The following KIF21A variants were observed in gnomAD, a reference collection of about 807,000 sequenced individuals.
KIF21A encodes kinesin family member 21A.
A neutral mutation model predicts 202.9 loss-of-function variants in KIF21A; 114 were observed. The ratio of observed to expected loss-of-function variants is 0.56; its 90% CI spans 0.48 to 0.66. The LOEUF is 0.66. KIF21A is among the 30% of genes least tolerant of loss of function. The probability of loss-of-function intolerance (pLI) is 0.00; values close to 1 mark genes in which losing one functional copy is unlikely to be tolerated. For missense variants in KIF21A, 1,677 were observed against 1,994.9 expected (o/e 0.84, Z 3.04); for synonymous variants, 667 against 670.8 (o/e 0.99, Z 0.09).
chr12:39,416,657 G>GTACATATATA (rs1953656314), intron 1 of KIF21A, among the ~76,000 whole-genome samples: 2 of 136,464 alleles, frequency 1.5e-5, no homozygotes, highest in African/African-American at 2.9e-5. Flanking sequence ...ACATATATAT[G>GTACATATATA]TGTATATATA....
At chr12:39,433,010 T>C (rs1938170195) in intron 1 of KIF21A, among the ~76,000 whole-genome samples, 1 of 152,214 alleles carries the variant, frequency 6.6e-6, no homozygotes, top group Non-Finnish European at 1.5e-5. Flanking sequence ...AAACTGTAGG[T>C]ACACATATTA....
In KIF21A at chr12:39,357,736, C is replaced by T. The variant is rs757872936; in HGVS notation, c.1216-299G>A. On this transcript the variant is annotated intron_variant, in intron 8 of 37. Transcript: ENST00000361418. The stretch of plus-strand genomic sequence containing the variant: ...ACCAGCCTGGCCAACGTGGTGAAAC[C>T]CCATCTCTACTAAAAATGCAAAAAT... 9.3e-4 allele frequency among the ~76,000 whole-genome samples: 140 copies of T among 151,062 alleles called. 1 individual carries two copies. Among genetic ancestry groups the T allele is most frequent in the Non-Finnish European group, 5.6e-4 (38 of 67,740 alleles).
chr12:39,369,821 G>T lies in KIF21A; in HGVS notation c.358C>A (p.His120Asn), dbSNP rs1340413916. The change falls in exon 3 of 38, where the codon CAC (histidine) becomes AAC (asparagine). Residue 120 changes from histidine (H) to asparagine (N), a missense_variant. Physicochemically the swap from His to Asn is moderately conservative, Grantham distance 68. Around this residue, in one of 3 missense-constraint regions of KIF21A, gnomAD observed 966 missense variants for 1,180.9 expected, o/e 0.82. Transcript: ENST00000361418. The part of the protein sequence containing the change: ...ELGIISRAVK[H>N]LFKSIEEKKH... The stretch of plus-strand genomic sequence containing the variant: ...TTTTCTTCAATACTCTTAAAAAGGT[G>T]TTTAACAGCTCGAGAAATAATACCC... 1 of 1,612,288 alleles carries T rather than the reference G, an allele frequency of 6.2e-7. No individual in the cohort carries two copies. Among genetic ancestry groups the T allele is most frequent in the Non-Finnish European group, 8.5e-7 (1 of 1,178,782 alleles).
At chr12:39,415,230 C>CTTTT (rs1161997461) in intron 1 of KIF21A, among the ~76,000 whole-genome samples, 9 of 55,434 alleles carry the variant, frequency 1.6e-4, no homozygotes, top group Non-Finnish European at 2.7e-4. Flanking sequence ...GTAGAGAATG[C>CTTTT]TTTTTTTTTT....
rs187974762 is a variant in KIF21A, at chr12:39,422,019, G to A, written c.44+20908C>T. 5.1e-3 allele frequency among the ~76,000 whole-genome samples: 773 copies of A among 151,678 alleles called. 4 individuals are homozygous for A. The highest frequency in any genetic ancestry group is 0.017 in the African/African-American group (722 of 41,380). Reference sequence around the variant, plus strand: ...ATCACCCAGGCCTGCATGCAATGGCGCCATCATAGCTCACTGCAGCCTCAG... The same window carrying A: ...ATCACCCAGGCCTGCATGCAATGGCACCATCATAGCTCACTGCAGCCTCAG... On this transcript the variant is annotated intron_variant, in intron 1 of 37. Coordinates refer to ENST00000361418, the MANE Select transcript of KIF21A (RefSeq NM_001173464.2).
Position 39,340,430 on chromosome 12 carries a change from A to G in KIF21A, c.2111-66T>C, listed in dbSNP as rs1947345970. On this transcript the variant is annotated intron_variant, in intron 15 of 37. Transcript: ENST00000361418. ...ACACAGATTTTTATTTCACAGATTT[A>G]CAGTCCATATCCTAAGAGAAGAGCT... The G allele has an allele frequency of 4.9e-6, 6 of 1,221,088 alleles. No homozygotes were observed. The South Asian group carries it at 6.5e-5, about 13-fold the overall frequency. 75.6% of individuals were successfully genotyped at this position (1,221,088 alleles called of 1,614,324 possible).
intron 1 of KIF21A, among the ~76,000 whole-genome samples, chr12:39,386,117 A>G (rs778396268): frequency 4.6e-5 from 7 of 152,082 alleles, no homozygotes; most frequent in Non-Finnish European, 8.8e-5. Context: ...TTTTTTCCTT[A>G]TTAACAAAAT....
chr12:39,390,707 A>G (rs149700011), intron 1 of KIF21A, among the ~76,000 whole-genome samples: 2 of 152,190 alleles, frequency 1.3e-5, no homozygotes, highest in East Asian at 3.8e-4. Flanking sequence ...AAATATATAT[A>G]TATTTGTCAG....
intron 14 of KIF21A, 88 bp downstream of exon 14, chr12:39,341,417 T>C (rs562000915): frequency 7.5e-5 from 97 of 1,286,000 alleles, no homozygotes; most frequent in Non-Finnish European, 1.0e-4. Flanking sequence ...TTTCATCAAG[T>C]ATGAAATAGA....
intron 1 of KIF21A, among the ~76,000 whole-genome samples, chr12:39,371,612 G>C (rs993888616): frequency 3.9e-5 from 6 of 152,084 alleles, no homozygotes; most frequent in Non-Finnish European, 7.4e-5. Flanking sequence ...AAGAGAAGCA[G>C]TTTAAGGAAG....
intron 11 of KIF21A, among the ~76,000 whole-genome samples, chr12:39,351,246 A>G (rs555903677): frequency 4.6e-5 from 7 of 152,126 alleles, no homozygotes; most frequent in Admixed American, 1.3e-4. Flanking sequence ...GGAAGATTCA[A>G]AAAGCCTGAA....
At chr12:39,357,492 T>C in intron 8 of KIF21A, 55 bp from the exon 9 acceptor site, 1 of 1,463,854 alleles carries the variant, frequency 6.8e-7, no homozygotes, top group Admixed American at 1.7e-5. Context: ...AACACAAGAG[T>C]TTTGCTTAAG....
At chr12:39,358,109 C>A in intron 8 of KIF21A, 69 bp downstream of exon 8, 1 of 1,269,916 alleles carries the variant, frequency 7.9e-7, no homozygotes, top group Non-Finnish European at 1.2e-6. Flanking sequence ...ATGTGTAAGG[C>A]ATTATTGTGT....
intron 37 of KIF21A, among the ~76,000 whole-genome samples, chr12:39,297,396 A>G (rs1591998161): frequency 6.6e-6 from 1 of 152,190 alleles, no homozygotes; most frequent in Non-Finnish European, 1.5e-5. Flanking sequence ...ACCATGGAAT[A>G]CTATGCAGCC....
intron 27 of KIF21A, chr12:39,321,252 TTAAAG>T (rs1332064335): frequency 1.3e-5 from 2 of 152,010 alleles, no homozygotes; most frequent in African/African-American, 4.8e-5. Context: ...TATGAAAACT[TTAAAG>T]TAAGTTATTT....
chr12:39,320,634 GA>G (rs775517753), intron 27 of KIF21A, among the ~76,000 whole-genome samples: 231 of 137,058 alleles, frequency 1.7e-3, no homozygotes, highest in African/African-American at 2.6e-3. Context: ...AATTTTAACT[GA>G]AAAAAAAAAA....
chr12:39,399,230 T>C (rs1301468764), intron 1 of KIF21A, among the ~76,000 whole-genome samples: 2 of 152,210 alleles, frequency 1.3e-5, no homozygotes, highest in Non-Finnish European at 2.9e-5. Flanking sequence ...ATAGCATTTA[T>C]ATTGTATTTT....
rs1337320262 is a variant in KIF21A at position 39,341,079 on chromosome 12, T to C, written c.1937A>G (p.Asp646Gly). ...AATTTCACAAGTAATGTTTGCCAAGTCTGCTTGATAATTGGCTATTTATAA... is the reference window on the plus strand; with the variant it reads ...AATTTCACAAGTAATGTTTGCCAAGCCTGCTTGATAATTGGCTATTTATAA... ...ESDEKANYQADLANITCEIAI... is the reference protein window; with the variant it reads ...ESDEKANYQAGLANITCEIAI... The change falls in exon 15 of 38, where the codon GAC becomes GGC. Residue 646 changes from aspartate (D) to glycine (G), a missense_variant. Physicochemically the swap from Asp to Gly is moderately conservative, Grantham distance 94. Around this residue, in one of 3 missense-constraint regions of KIF21A, gnomAD observed 966 missense variants for 1,180.9 expected, o/e 0.82. Coordinates refer to ENST00000361418, the MANE Select transcript of KIF21A (RefSeq NM_001173464.2). 1 of 1,606,408 alleles carries C rather than the reference T, an allele frequency of 6.2e-7. No individual in the cohort carries two copies. Among genetic ancestry groups the C allele is most frequent in the Non-Finnish European group, 8.5e-7 (1 of 1,175,066 alleles).
At chr12:39,414,782 A>G (rs1049536582) in intron 1 of KIF21A, among the ~76,000 whole-genome samples, 2 of 152,220 alleles carry the variant, frequency 1.3e-5, no homozygotes, top group Non-Finnish European at 2.9e-5. Context: ...TAGAGAGTCA[A>G]TCAACAAATG....
Sources: allele counts gnomAD v4.1 joint callset (sites outside exome capture counted in the v4.1 genomes callset), GRCh38; gene constraint gnomAD v4.1.1; regional missense constraint gnomAD v4.1.1; transcripts MANE v1.5; gene names NCBI Gene and HGNC (gene_info 2026-07-23, HGNC 2026-07-21).